The following WASHC4 variants were observed in gnomAD, a reference collection of about 807,000 sequenced individuals.
The protein encoded by WASHC4 is WASH complex subunit 4.
Under a neutral mutation model 166.6 loss-of-function variants are expected in WASHC4, and 86 were observed. The observed-to-expected ratio is 0.52, with a 90% CI of 0.43 to 0.62. The LOEUF (loss-of-function observed/expected upper bound fraction) is 0.62, where lower values mean the gene tolerates loss of function less well. Among genes scored for constraint, WASHC4 ranks in the 20% least tolerant of loss-of-function variants. The pLI, the probability that WASHC4 is intolerant of heterozygous loss-of-function variation, is 0.00. For synonymous variants in WASHC4, 446 were observed against 451.6 expected (o/e 0.99, Z 0.16); for missense variants, 1,262 against 1,382.4 (o/e 0.91, Z 1.38).
chr12:105,139,793 C>A (rs1030064074), intron 15 of WASHC4, among the ~76,000 whole-genome samples: 1 of 151,568 alleles, frequency 6.6e-6, no homozygotes, highest in Non-Finnish European at 1.5e-5. Context: ...TGTGATACAT[C>A]GGCTTGCCTT....
chr12:105,147,654 C>G (rs370701627), intron 24 of WASHC4: 1 of 911,160 alleles, frequency 1.1e-6, no homozygotes, highest in Non-Finnish European at 1.3e-6. Context: ...GCTTGTAATC[C>G]CAGCACTTTG....
At chr12:105,152,147 G>A (rs75533848) in intron 25 of WASHC4, among the ~76,000 whole-genome samples, 196 bp from the exon 26 acceptor site, 6 of 152,240 alleles carry the variant, frequency 3.9e-5, no homozygotes, top group South Asian at 2.1e-4. Context: ...ATTATTAGTC[G>A]TTTTAGCTAA....
At chr12:105,148,089 C>T in intron 24 of WASHC4, 31 of 985,204 alleles carry the variant, frequency 3.1e-5, no homozygotes, top group Non-Finnish European at 3.6e-5. Flanking sequence ...TTATTAAACA[C>T]ATTTGGAGTA....
chr12:105,139,425 G>GTGTGTGTGTATATATATATATATA, intron 15 of WASHC4, among the ~76,000 whole-genome samples: 13 of 103,220 alleles, frequency 1.3e-4, no homozygotes, highest in African/African-American at 4.3e-4. Context: ...ATGTGTGTGT[G>GTGTGTGTGTATATATATATATATA]TATATATATA....
intron 23 of WASHC4, 119 bp downstream of exon 23, chr12:105,146,645 G>A (rs1883321678): frequency 5.9e-6 from 4 of 673,898 alleles, no homozygotes; most frequent in East Asian, 2.7e-5. Flanking sequence ...AATTGTTTTC[G>A]AGGCCTTGTT....
rs1483533469 is a variant in WASHC4 at position 105,141,046 on chromosome 12, G to C, written c.1707+1G>C. The C allele has an allele frequency of 6.2e-7, 1 of 1,614,074 alleles. No homozygotes were observed. Among genetic ancestry groups the C allele is most frequent in the South Asian group, 1.1e-5 (1 of 91,074 alleles). Reference sequence around the variant, plus strand: ...GGCACTAAGTGTTGGCACACAAATGGTAAGTGTATTGCTATTACTTATGGA... The same window carrying C: ...GGCACTAAGTGTTGGCACACAAATGCTAAGTGTATTGCTATTACTTATGGA... On this transcript the variant is annotated splice_donor_variant, in intron 17 of 32. Transcript: ENST00000332180. LOFTEE classifies it high-confidence loss of function.
chr12:105,109,649 CTTT>C (rs36080234), intron 1 of WASHC4, among the ~76,000 whole-genome samples: 2 of 97,604 alleles, frequency 2.0e-5, no homozygotes, highest in Non-Finnish European at 4.1e-5. Flanking sequence ...CTAGCATTGT[CTTT>C]TTTTTTTTTT....
At chr12:105,116,067 A>C (rs879651229) in intron 6 of WASHC4, among the ~76,000 whole-genome samples, 1 of 152,156 alleles carries the variant, frequency 6.6e-6, no homozygotes, top group African/African-American at 2.4e-5. Context: ...AAGCTATTAC[A>C]TGAGCAATGA....
chr12:105,140,847 A>C (rs1037918377), intron 16 of WASHC4, 52 bp from the exon 17 acceptor site: 46 of 1,552,504 alleles, frequency 3.0e-5, no homozygotes, highest in Middle Eastern at 1.7e-4. Flanking sequence ...TTTTCTTCTG[A>C]GTCTTTTGTT....
intron 26 of WASHC4, 129 bp downstream of exon 26, chr12:105,152,580 T>G (rs1883853476): frequency 5.9e-6 from 4 of 679,316 alleles, no homozygotes; most frequent in Non-Finnish European, 1.1e-5. Flanking sequence ...CTCATGTAAT[T>G]TTTTTACCCC....
chr12:105,158,810 T>C (rs1884321744), intron 28 of WASHC4, among the ~76,000 whole-genome samples: 1 of 152,330 alleles, frequency 6.6e-6, no homozygotes, highest in Middle Eastern at 3.4e-3. Flanking sequence ...TGATAAAAGG[T>C]CCACAACTTT....
intron 28 of WASHC4, among the ~76,000 whole-genome samples, chr12:105,159,478 T>A (rs981906115): frequency 1.3e-5 from 2 of 152,186 alleles, no homozygotes; most frequent in Non-Finnish European, 2.9e-5. Flanking sequence ...ATTTGGGTAG[T>A]TAGATATAGT....
chr12:105,144,748 T>C lies in WASHC4; in HGVS notation c.2210T>C (p.Phe737Ser), dbSNP rs757252582. ...GTAACTCACTACCTAGACAAGACTTTCTACAATCTAACAACTGTAGCCCTT... is the reference window on the plus strand; with the variant it reads ...GTAACTCACTACCTAGACAAGACTTCCTACAATCTAACAACTGTAGCCCTT... ...AYVTHYLDKT[F>S]YNLTTVALHD... Residue 737 changes from phenylalanine to serine, a missense_variant, in exon 22 of 33, where the codon TTC becomes TCC. Transcript: ENST00000332180. The C allele has an allele frequency of 6.8e-6, 11 of 1,612,790 alleles. No individual in the cohort carries two copies. The highest frequency in any genetic ancestry group is 4.2e-6 in the Non-Finnish European group (5 of 1,179,208).
rs369060594 is a variant in WASHC4, at chr12:105,141,319, T to C, written c.1787+73T>C. On this transcript the variant is annotated intron_variant, in intron 18 of 32. Transcript: ENST00000332180. ...AGAAACATTGATTTTCTTTTTAGCATAGCAAGAGAAGAAATAAAATTCAGA... is the reference window on the plus strand; with the variant it reads ...AGAAACATTGATTTTCTTTTTAGCACAGCAAGAGAAGAAATAAAATTCAGA... The C allele has an allele frequency of 3.2e-4, 336 of 1,061,736 alleles. 4 individuals are homozygous for C. In the South Asian group the frequency reaches 4.0e-3, roughly 13 times the overall value. 65.8% of individuals were successfully genotyped at this position (1,061,736 alleles called of 1,614,324 possible).
chr12:105,116,157 T>C (rs1880159189), intron 6 of WASHC4, among the ~76,000 whole-genome samples: 1 of 152,150 alleles, frequency 6.6e-6, no homozygotes, highest in South Asian at 2.1e-4. Flanking sequence ...CTGCCAGTTT[T>C]AATGATTGTA....
chr12:105,135,803 A>G (rs1882264949), intron 14 of WASHC4, among the ~76,000 whole-genome samples: 2 of 152,024 alleles, frequency 1.3e-5, no homozygotes, highest in South Asian at 4.1e-4. Flanking sequence ...ATTTTCTTCA[A>G]CACATTCAGC....
At chr12:105,163,404 T>C (rs1465706010) in intron 30 of WASHC4, among the ~76,000 whole-genome samples, 1 of 152,222 alleles carries the variant, frequency 6.6e-6, no homozygotes, top group African/African-American at 2.4e-5. Flanking sequence ...TATTTAGGCT[T>C]TGTTTTTGTT....
At chr12:105,146,649 C>T in intron 23 of WASHC4, 123 bp downstream of exon 23, 3 of 660,804 alleles carry the variant, frequency 4.5e-6, no homozygotes, top group South Asian at 3.6e-5. Context: ...GTTTTCGAGG[C>T]CTTGTTTATT....
At position 105,167,293 on chromosome 12, in the gene WASHC4, C is replaced by T. The variant is rs1282994777; in HGVS notation, c.*362C>T. On this transcript the variant is annotated 3_prime_UTR_variant, in exon 33 of 33. Coordinates refer to ENST00000332180, the MANE Select transcript of WASHC4 (RefSeq NM_015275.3). ...ATAGATCTTTGATCTATAGTTATTT[C>T]AAGTCATGGGAAATTCAATGCATAT... 4.3e-6 allele frequency: 1 copy of T among 233,186 alleles called. No homozygotes were observed. The highest frequency in any genetic ancestry group is 8.6e-6 in the Non-Finnish European group (1 of 116,236). The allele number at this position is 233,186 out of a possible 1,614,324, so 14.4% of individuals were successfully genotyped here.
Sources: allele counts gnomAD v4.1 joint callset (sites outside exome capture counted in the v4.1 genomes callset), GRCh38; gene constraint gnomAD v4.1.1; transcripts MANE v1.5; gene names NCBI Gene and HGNC (gene_info 2026-07-23, HGNC 2026-07-21).